DNAH3: variants seen among roughly 807,000 people sequenced by gnomAD.
DNAH3 encodes dynein axonemal heavy chain 3, also known as axonemal beta dynein heavy chain 3.
In DNAH3, 332 loss-of-function variants were observed where a neutral mutation model predicts 432.5. That is an observed-to-expected ratio of 0.77 (90% CI 0.70 to 0.84). The LOEUF (loss-of-function observed/expected upper bound fraction) is 0.84, where lower values mean the gene tolerates loss of function less well. Among genes scored for constraint, DNAH3 ranks in the 40% least tolerant of loss-of-function variants. DNAH3 has a pLI of 0.00. For synonymous variants in DNAH3, 1,956 were observed against 1,900.2 expected (o/e 1.03, Z -0.76); for missense variants, 4,861 against 5,114.0 (o/e 0.95, Z 1.51).
chr16:21,112,616 G>T (rs373054168), intron 12 of DNAH3, among the ~76,000 whole-genome samples: 1 of 152,082 alleles, frequency 6.6e-6, no homozygotes. Context: ...CTCCCCCTGC[G>T]TCTTTCCCAC....
At chr16:20,997,420 G>A in exon 44 of DNAH3, 1 of 1,614,158 alleles carries the variant, frequency 6.2e-7, no homozygotes, top group Middle Eastern at 1.6e-4. Flanking sequence ...CTCGATGGGT[G>A]GCTGGGCCCC....
exon 53 of DNAH3, chr16:20,964,632 A>C (rs1418202158): frequency 6.2e-7 from 1 of 1,614,034 alleles, no homozygotes; most frequent in South Asian, 1.1e-5. Flanking sequence ...CCTGCCCGTG[A>C]GGGTCAATCA....
intron 41 of DNAH3, among the ~76,000 whole-genome samples, chr16:21,013,198 T>C (rs2087691588): frequency 1.3e-5 from 2 of 152,074 alleles, no homozygotes; most frequent in Non-Finnish European, 2.9e-5. Flanking sequence ...AGGAAATTAA[T>C]AGATAAAATT....
At position 21,003,054 on chromosome 16, in the gene DNAH3, T is replaced by C. The variant is rs760071100; in HGVS notation, c.6126+50A>G. On this transcript the variant is annotated intron_variant, in intron 42 of 61. Coordinates refer to ENST00000261383, the Ensembl canonical transcript of DNAH3. ...TTAATTCTTCCACCTGAGAGAATATTTGGATGATTCTGGAAACCAAAGTTC... is the reference window on the plus strand; with the variant it reads ...TTAATTCTTCCACCTGAGAGAATATCTGGATGATTCTGGAAACCAAAGTTC... 8.3e-6 allele frequency: 10 copies of C among 1,200,078 alleles called. No individual in the cohort carries two copies. In the South Asian group the frequency reaches 1.0e-4, roughly 12 times the overall value. The allele number at this position is 1,200,078 out of a possible 1,614,324, so 74.3% of individuals were successfully genotyped here. A position where few individuals can be genotyped will look rare whatever the true frequency, so the allele number is the denominator to read the frequency against.
chr16:21,068,848 T>A (rs1302406044), intron 23 of DNAH3, among the ~76,000 whole-genome samples: 2 of 152,132 alleles, frequency 1.3e-5, no homozygotes, highest in African/African-American at 2.4e-5. Context: ...TAATACAAAC[T>A]GCCTATAGTT....
intron 42 of DNAH3, among the ~76,000 whole-genome samples, 169 bp from the exon 43 acceptor site, chr16:21,000,687 G>A (rs1421458089): frequency 6.6e-6 from 1 of 152,086 alleles, no homozygotes; most frequent in East Asian, 1.9e-4. Context: ...TGTGAAAAGG[G>A]GATAATAATG....
At chr16:21,107,203 T>C (rs1239312470) in intron 14 of DNAH3, among the ~76,000 whole-genome samples, 2 of 151,894 alleles carry the variant, frequency 1.3e-5, no homozygotes, top group Non-Finnish European at 2.9e-5. Flanking sequence ...TTCATCACAT[T>C]TTGTGTTGAA....
At chr16:20,946,241 G>C (rs2084039607) in intron 57 of DNAH3, among the ~76,000 whole-genome samples, 1 of 152,126 alleles carries the variant, frequency 6.6e-6, no homozygotes, top group African/African-American at 2.4e-5. Context: ...ACTTGGGTCT[G>C]CACAACCTCT....
intron 9 of DNAH3, 86 bp downstream of exon 10, chr16:21,125,089 T>C: frequency 2.7e-6 from 3 of 1,130,844 alleles, no homozygotes; most frequent in Non-Finnish European, 3.7e-6. Flanking sequence ...GGCTCACAGC[T>C]GAGGACGTAC....
intron 5 of DNAH3, among the ~76,000 whole-genome samples, chr16:21,139,320 C>CTTTTTTGTTTTTTTTT (rs2092687446): frequency 3.4e-5 from 1 of 29,614 alleles, no homozygotes. Context: ...TTTCCTCATG[C>CTTTTTTGTTTTTTTTT]TTTTTTTTTT....
chr16:20,974,579 G>GTTGT lies in DNAH3; in HGVS notation c.8259+653_8259+654insACAA, dbSNP rs2085490469. On this transcript the variant is annotated intron_variant, in intron 51 of 61. Transcript: ENST00000261383. ...CCACTACACCTGGCTGTTTTATAGTGTTTTTTTTTTTTTTTTTTTTTTGTA... is the reference window on the plus strand; with the variant it reads ...CCACTACACCTGGCTGTTTTATAGTGTTGTTTTTTTTTTTTTTTTTTTTTTTGTA... Among the ~76,000 whole-genome samples the GTTGT allele has an allele frequency of 6.1e-5, 5 of 81,830 alleles. No homozygotes were observed. In the South Asian group the frequency reaches 1.6e-3, roughly 26 times the overall value. The allele number at this position is 81,830 out of a possible 152,430, so 53.7% of individuals were successfully genotyped here. A position where few individuals can be genotyped will look rare whatever the true frequency, so the allele number is the denominator to read the frequency against.
Position 20,943,783 on chromosome 16 carries a change from C to T in DNAH3, c.11511+713G>A, listed in dbSNP as rs542903113. 9.2e-5 allele frequency among the ~76,000 whole-genome samples: 14 copies of T among 152,096 alleles called. No homozygotes were observed. The South Asian group carries it at 1.2e-3, about 14-fold the overall frequency. ...ATTGCTTGAGCCCAGGAGTTTGAGA[C>T]GATCCTGGACAATATGATGAAACAC... On this transcript the variant is annotated intron_variant, in intron 58 of 61. Transcript: ENST00000261383.
In DNAH3 at chr16:20,947,184, A is replaced by T. The variant is rs374829512; in HGVS notation, c.11343+1299T>A. On this transcript the variant is annotated intron_variant, in intron 57 of 61. Coordinates refer to ENST00000261383, the Ensembl canonical transcript of DNAH3. ...AGGGTGCTGCCCTATACTCTGGGGA[A>T]TGTCATACAGCTTTCATAAAAACCC... is the stretch of plus-strand genomic sequence containing the variant. 9.6e-4 allele frequency among the ~76,000 whole-genome samples: 146 copies of T among 152,038 alleles called. 4 individuals are homozygous for T. The South Asian group carries it at 0.03, about 31-fold the overall frequency.
intron 51 of DNAH3, among the ~76,000 whole-genome samples, chr16:20,973,982 G>A (rs987850996): frequency 6.6e-6 from 1 of 152,148 alleles, no homozygotes; most frequent in African/African-American, 2.4e-5. Context: ...AGGGAATGAA[G>A]GAAAAGTGGT....
exon 13 of DNAH3, chr16:21,112,068 G>A: frequency 6.2e-7 from 1 of 1,613,258 alleles, no homozygotes; most frequent in South Asian, 1.1e-5. Context: ...TATCCAATAA[G>A]TCAACATACT....
At chr16:21,027,394 G>A (rs1433454867) in intron 37 of DNAH3, among the ~76,000 whole-genome samples, 3 of 151,698 alleles carry the variant, frequency 2.0e-5, no homozygotes, top group Non-Finnish European at 4.4e-5. Context: ...AAAGTGCTCT[G>A]GAGAAAAATT....
intron 41 of DNAH3, among the ~76,000 whole-genome samples, chr16:21,006,630 G>A (rs1370625624): frequency 1.3e-5 from 2 of 152,110 alleles, no homozygotes; most frequent in Non-Finnish European, 2.9e-5. Flanking sequence ...CCTATATAAA[G>A]GGAATCATAT....
At chr16:20,999,971 G>C (rs1480806324) in intron 43 of DNAH3, among the ~76,000 whole-genome samples, 1 of 141,066 alleles carries the variant, frequency 7.1e-6, no homozygotes, top group East Asian at 2.5e-4. Context: ...AAGAAAGAAG[G>C]AAGGAAGGAG....
Position 21,117,344 on chromosome 16 carries a change from A to G in DNAH3, c.1700-27T>C, listed in dbSNP as rs2092228442. On this transcript the variant is annotated intron_variant, in intron 11 of 61. Coordinates refer to ENST00000261383, the Ensembl canonical transcript of DNAH3. ...TGGGAACAGGACAGATTCCACCTGA[A>G]GAGTAAACACCACTTTTGCATGTTG... 6.7e-7 allele frequency: 1 copy of G among 1,481,738 alleles called. No homozygotes were observed. Among genetic ancestry groups the G allele is most frequent in the Non-Finnish European group, 9.4e-7 (1 of 1,063,526 alleles). 91.8% of individuals were successfully genotyped at this position (1,481,738 alleles called of 1,614,324 possible).
Sources: allele counts gnomAD v4.1 joint callset (sites outside exome capture counted in the v4.1 genomes callset), GRCh38; gene constraint gnomAD v4.1.1; transcripts MANE v1.5; gene names NCBI Gene and HGNC (gene_info 2026-07-23, HGNC 2026-07-21).